Variants in TPMT observed in about 807,000 individuals in gnomAD.
TPMT encodes thiopurine S-methyltransferase.
TPMT carries 18 observed loss-of-function variants against 34.2 expected under a neutral mutation model. The ratio of observed to expected loss-of-function variants is 0.53; its 90% CI spans 0.36 to 0.78. The LOEUF is 0.78. Among genes scored for constraint, TPMT ranks in the 30% least tolerant of loss-of-function variants. The probability of loss-of-function intolerance (pLI) is 0.00; values close to 1 mark genes in which losing one functional copy is unlikely to be tolerated. For synonymous variants in TPMT, 69 were observed against 92.4 expected, an observed-to-expected ratio of 0.75 and a Z score of 1.45; for missense variants, 265 against 288.1, an observed-to-expected ratio of 0.92 and a Z score of 0.58.
intron 3 of TPMT, among the ~76,000 whole-genome samples, chr6:18,147,415 T>G (rs1158969328): frequency 6.6e-6 from 1 of 152,230 alleles, no homozygotes; most frequent in Non-Finnish European, 1.5e-5. Context: ...AACTGTGGAC[T>G]ATGAACATTG....
chr6:18,149,561 G>A lies in TPMT; in HGVS notation c.-44-390C>T, dbSNP rs753013464. 4.0e-5 allele frequency among the ~76,000 whole-genome samples: 6 copies of A among 151,282 alleles called. No individual in the cohort carries two copies. Among genetic ancestry groups the A allele is most frequent in the Non-Finnish European group, 7.4e-5 (5 of 67,854 alleles). On this transcript the variant is annotated intron_variant, in intron 1 of 8. Transcript: ENST00000309983. The surrounding 1 kb of genome is among the most constrained non-coding windows in gnomAD (Gnocchi z 5.0). The stretch of plus-strand genomic sequence containing the variant: ...AAGCTTCAACCTCCTGGGCTCAAGC[G>A]ATCCTCCCATTTCAGCCTCCCAAGT...
In TPMT at chr6:18,148,970, A is replaced by G. The variant is rs761059662; in HGVS notation, c.140+18T>C. 6.2e-7 allele frequency: 1 copy of G among 1,612,770 alleles called. No homozygotes were observed. The highest frequency in any genetic ancestry group is 1.1e-5 in the South Asian group (1 of 91,018). On this transcript the variant is annotated intron_variant, in intron 2 of 8. Transcript: ENST00000309983. This position sits in a 1 kb window ranked among gnomAD's most constrained non-coding sequence, Gnocchi z 4.1. ...TTTTGATAGAACATTTCTCTATTGT[A>G]TACCAAATATTTCTTACTGATGTCC... is the stretch of plus-strand genomic sequence containing the variant.
At position 18,138,858 on chromosome 6, in the gene TPMT, C is replaced by T; in HGVS notation, c.494+105G>A. ...TTTTTATAAATTCCAAACATAATAACCTATTTCAAACTCATAGAAGTCTAA... is the reference window on the plus strand; with the variant it reads ...TTTTTATAAATTCCAAACATAATAATCTATTTCAAACTCATAGAAGTCTAA... On this transcript the variant is annotated intron_variant, in intron 6 of 8. Coordinates refer to ENST00000309983, the MANE Select transcript of TPMT (RefSeq NM_000367.5). This position sits in a 1 kb window ranked among gnomAD's most constrained non-coding sequence, Gnocchi z 4.1. The T allele has an allele frequency of 1.1e-6, 1 of 924,012 alleles. No homozygotes were observed. Among genetic ancestry groups the T allele is most frequent in the Non-Finnish European group, 1.7e-6 (1 of 582,166 alleles). 57.2% of individuals were successfully genotyped at this position (924,012 alleles called of 1,614,324 possible).
rs543300271 is a variant in TPMT, at chr6:18,146,106, G to T, written c.233+1717C>A. 6.6e-6 allele frequency among the ~76,000 whole-genome samples: 1 copy of T among 151,944 alleles called. No individual in the cohort carries two copies. ...CAATACATAGATCAGTTACATAAATGAAAAATCATCTACTATCATAACTTC... is the reference window on the plus strand; with the variant it reads ...CAATACATAGATCAGTTACATAAATTAAAAATCATCTACTATCATAACTTC... On this transcript the variant is annotated intron_variant, in intron 3 of 8. Coordinates refer to ENST00000309983, the MANE Select transcript of TPMT (RefSeq NM_000367.5). This position sits in a 1 kb window ranked among gnomAD's most constrained non-coding sequence, Gnocchi z 6.2.
Position 18,136,088 on chromosome 6 carries a change from G to A in TPMT, c.495-2199C>T, listed in dbSNP as rs1175849866. Among the ~76,000 whole-genome samples, 1 of 152,122 alleles carries A rather than the reference G, an allele frequency of 6.6e-6. No individual in the cohort carries two copies. The highest frequency in any genetic ancestry group is 1.9e-4 in the East Asian group (1 of 5,186). Reference sequence around the variant, plus strand: ...CTGGGTCCGCTCTTGGTCTGCACGTGGTGACTTTTAGTTTGCTTCCCACTG... The same window carrying A: ...CTGGGTCCGCTCTTGGTCTGCACGTAGTGACTTTTAGTTTGCTTCCCACTG... On this transcript the variant is annotated intron_variant, in intron 6 of 8. Transcript: ENST00000309983. The surrounding 1 kb of genome is among the most constrained non-coding windows in gnomAD (Gnocchi z 4.7).
At position 18,139,541 on chromosome 6, in the gene TPMT, C is replaced by A. The variant is rs557232491; in HGVS notation, c.419+124G>T. 7 of 810,878 alleles carry A rather than the reference C, an allele frequency of 8.6e-6. No individual in the cohort carries two copies. In the East Asian group the frequency reaches 1.2e-4, roughly 14 times the overall value. The allele number at this position is 810,878 out of a possible 1,614,324, so 50.2% of individuals were successfully genotyped here. A position where few individuals can be genotyped will look rare whatever the true frequency, so the allele number is the denominator to read the frequency against. ...TAAAAATATCTGCAGAACAGACATT[C>A]AAAAAAATGCTTTGTGGATGTTACA... On this transcript the variant is annotated intron_variant, in intron 5 of 8. Coordinates refer to ENST00000309983, the MANE Select transcript of TPMT (RefSeq NM_000367.5). The surrounding 1 kb of genome is among the most constrained non-coding windows in gnomAD (Gnocchi z 4.2).
At chr6:18,147,230 GAGA>G (rs1379656742) in intron 3 of TPMT, among the ~76,000 whole-genome samples, 4 of 152,200 alleles carry the variant, frequency 2.6e-5, no homozygotes, top group Admixed American at 2.6e-4. Flanking sequence ...GTTCAGTATA[GAGA>G]ATGATGTCGA....
intron 6 of TPMT, among the ~76,000 whole-genome samples, chr6:18,134,738 T>G (rs1016689417): frequency 6.6e-6 from 1 of 152,226 alleles, no homozygotes; most frequent in Non-Finnish European, 1.5e-5. Context: ...TTGGAGCTTT[T>G]GTATTGTATG....
chr6:18,130,484 T>C lies in TPMT; in HGVS notation c.*184A>G. The C allele has an allele frequency of 1.8e-6, 1 of 555,436 alleles. No homozygotes were observed. The highest frequency in any genetic ancestry group is 5.0e-4 in the Middle Eastern group (1 of 1,994). 34.4% of individuals were successfully genotyped at this position (555,436 alleles called of 1,614,324 possible). A position where few individuals can be genotyped will look rare whatever the true frequency, so the allele number is the denominator to read the frequency against. ...GAGCTACTTTAAAAGTTTAGTTACA[T>C]CTTTTTCTTCTAAAACTTTTTTAGA... On this transcript the variant is annotated 3_prime_UTR_variant, in exon 9 of 9. Coordinates refer to ENST00000309983, the MANE Select transcript of TPMT (RefSeq NM_000367.5). The surrounding 1 kb of genome is among the most constrained non-coding windows in gnomAD (Gnocchi z 4.2).
chr6:18,140,698 A>G lies in TPMT; in HGVS notation c.367-981T>C, dbSNP rs552588831. 6.6e-6 allele frequency among the ~76,000 whole-genome samples: 1 copy of G among 152,266 alleles called. No homozygotes were observed. The highest frequency in any genetic ancestry group is 1.5e-5 in the Non-Finnish European group (1 of 68,024). ...CCCTGTCTCAAAAACAAACACTTGG[A>G]GCAAAATAATCCTAAAAAATAAACA... On this transcript the variant is annotated intron_variant, in intron 4 of 8. Transcript: ENST00000309983. This position sits in a 1 kb window ranked among gnomAD's most constrained non-coding sequence, Gnocchi z 4.7.
chr6:18,147,583 C>G (rs1423211864), intron 3 of TPMT, among the ~76,000 whole-genome samples: 1 of 152,320 alleles, frequency 6.6e-6, no homozygotes, highest in East Asian at 1.9e-4. Flanking sequence ...TTTCTCCCCC[C>G]ATTGGCTCCA....
chr6:18,152,933 G>A (rs1213239869), intron 1 of TPMT, among the ~76,000 whole-genome samples: 1 of 152,166 alleles, frequency 6.6e-6, no homozygotes, highest in Non-Finnish European at 1.5e-5. Flanking sequence ...AGAATGCACA[G>A]TAAGGGTTTT....
In TPMT at chr6:18,149,065, G is replaced by T. The variant is rs779065769; in HGVS notation, c.63C>A (p.Asn21Lys). 5.0e-6 allele frequency: 8 copies of T among 1,613,920 alleles called. No homozygotes were observed. The highest frequency in any genetic ancestry group is 3.3e-4 in the Middle Eastern group (2 of 6,080). Reference sequence around the variant, plus strand: ...GCCATTCTTCCAGAGTTAGTACTTGGTTTTTCTGTACCTCAGTATCCGAGT... The same window carrying T: ...GCCATTCTTCCAGAGTTAGTACTTGTTTTTTCTGTACCTCAGTATCCGAGT... ...EEYSDTEVQK[N>K]QVLTLEEWQD... Residue 21 changes from asparagine to lysine, a missense_variant, in exon 2 of 9, where the codon AAC becomes AAA. Asn to Lys is a moderately conservative substitution (Grantham distance 94). Transcript: ENST00000309983. The surrounding 1 kb of genome is among the most constrained non-coding windows in gnomAD (Gnocchi z 5.0).
chr6:18,144,265 G>GCACT (rs1420225845), intron 3 of TPMT, among the ~76,000 whole-genome samples: 2 of 152,148 alleles, frequency 1.3e-5, no homozygotes, highest in Non-Finnish European at 2.9e-5. Context: ...TAGAACATTA[G>GCACT]CACTCATTTG....
Position 18,135,661 on chromosome 6 carries a change from C to T in TPMT, c.495-1772G>A, listed in dbSNP as rs916595705. On this transcript the variant is annotated intron_variant, in intron 6 of 8. Transcript: ENST00000309983. This position sits in a 1 kb window ranked among gnomAD's most constrained non-coding sequence, Gnocchi z 5.0. ...CCGAGGTGGGCAGATCACCTGAGGT[C>T]GGGAGTTCGAGACCAGCCTGACCAA... Among the ~76,000 whole-genome samples, 5 of 152,088 alleles carry T rather than the reference C, an allele frequency of 3.3e-5. No individual in the cohort carries two copies. The highest frequency in any genetic ancestry group is 7.2e-5 in the African/African-American group (3 of 41,416).
In TPMT at chr6:18,135,232, T is replaced by A. The variant is rs1784022251; in HGVS notation, c.495-1343A>T. On this transcript the variant is annotated intron_variant, in intron 6 of 8. Coordinates refer to ENST00000309983, the MANE Select transcript of TPMT (RefSeq NM_000367.5). The surrounding 1 kb of genome is among the most constrained non-coding windows in gnomAD (Gnocchi z 5.0). Reference sequence around the variant, plus strand: ...CTTTTGAACAGAAACTGTTACTTTCTGATTCTCATTTTTCAGAAGAAACTT... The same window carrying A: ...CTTTTGAACAGAAACTGTTACTTTCAGATTCTCATTTTTCAGAAGAAACTT... Among the ~76,000 whole-genome samples, 1 of 152,254 alleles carries A rather than the reference T, an allele frequency of 6.6e-6. No individual in the cohort carries two copies. The highest frequency in any genetic ancestry group is 2.1e-4 in the South Asian group (1 of 4,834).
Position 18,129,636 on chromosome 6 carries a change from C to G in TPMT, c.*1032G>C, listed in dbSNP as rs1783896311. On this transcript the variant is annotated 3_prime_UTR_variant, in exon 9 of 9. Coordinates refer to ENST00000309983, the MANE Select transcript of TPMT (RefSeq NM_000367.5). ...ATAATAAACAGCCATGAATCCAGCTCTAAGTACATTATATTTTATAAGACC... is the reference window on the plus strand; with the variant it reads ...ATAATAAACAGCCATGAATCCAGCTGTAAGTACATTATATTTTATAAGACC... The G allele has an allele frequency of 6.6e-6, 1 of 152,076 alleles. No individual in the cohort carries two copies. Among genetic ancestry groups the G allele is most frequent in the Admixed American group, 6.6e-5 (1 of 15,262 alleles). The allele number at this position is 152,076 out of a possible 1,614,324, so 9.4% of individuals were successfully genotyped here. A position where few individuals can be genotyped will look rare whatever the true frequency, so the allele number is the denominator to read the frequency against.
Position 18,138,712 on chromosome 6 carries a change from G to C in TPMT, c.494+251C>G, listed in dbSNP as rs982377417. On this transcript the variant is annotated intron_variant, in intron 6 of 8. Transcript: ENST00000309983. This position sits in a 1 kb window ranked among gnomAD's most constrained non-coding sequence, Gnocchi z 4.1. ...GAGTAAACCAAAGCTTAGAGAAGTT[G>C]AATACTTGGACCAAGGCCACACAGC... Among the ~76,000 whole-genome samples, 2 of 152,210 alleles carry C rather than the reference G, an allele frequency of 1.3e-5. No homozygotes were observed. The highest frequency in any genetic ancestry group is 4.8e-5 in the African/African-American group (2 of 41,440).
rs1463995267 is a variant in TPMT, at chr6:18,140,375, A to T, written c.367-658T>A. Among the ~76,000 whole-genome samples, 1 of 152,150 alleles carries T rather than the reference A, an allele frequency of 6.6e-6. No individual in the cohort carries two copies. Among genetic ancestry groups the T allele is most frequent in the Admixed American group, 6.5e-5 (1 of 15,274 alleles). On this transcript the variant is annotated intron_variant, in intron 4 of 8. Coordinates refer to ENST00000309983, the MANE Select transcript of TPMT (RefSeq NM_000367.5). This position sits in a 1 kb window ranked among gnomAD's most constrained non-coding sequence, Gnocchi z 4.7. Reference sequence around the variant, plus strand: ...AAGGCAGAGCAGGGGCCTGCCTGGGAGCATCAGGGAGACTAAACAAAAGGT... The same window carrying T: ...AAGGCAGAGCAGGGGCCTGCCTGGGTGCATCAGGGAGACTAAACAAAAGGT...
Sources: gnomAD v4.1 joint callset for allele counts (sites outside exome capture counted in the v4.1 genomes callset) on GRCh38, gnomAD v4.1.1 for gene constraint, Gnocchi (gnomAD v3.1) non-coding constraint, MANE v1.5 for transcripts, NCBI Gene and HGNC (gene_info 2026-07-23, HGNC 2026-07-21) for gene names.